Variants in TGFA observed in about 807,000 individuals in gnomAD.
TGFA encodes the protein protransforming growth factor alpha.
Under a neutral mutation model 21.7 loss-of-function variants are expected in TGFA, and 12 were observed. The observed-to-expected ratio is 0.55, with a 90% CI of 0.35 to 0.90. TGFA has a LOEUF of 0.90. TGFA is among the 40% of genes least tolerant of loss of function. TGFA has a pLI of 0.01. For synonymous variants in TGFA, 79 were observed against 88.1 expected (o/e 0.90, Z 0.58); for missense variants, 178 against 210.8 (o/e 0.84, Z 0.96).
intron 1 of TGFA, among the ~76,000 whole-genome samples, chr2:70,552,659 G>T (rs11466192): frequency 0.13 from 20,475 of 152,178 alleles, 1,624 homozygotes; most frequent in South Asian, 0.29. Flanking sequence ...TGCAGGCGGG[G>T]CCGCGAACCC....
chr2:70,475,443 A>G (rs945727620), intron 2 of TGFA, among the ~76,000 whole-genome samples: 1 of 152,160 alleles, frequency 6.6e-6, no homozygotes, highest in Non-Finnish European at 1.5e-5. Context: ...CAGAGCGGAA[A>G]CCAGAACTCA....
chr2:70,455,719 C>A (rs1217043212), intron 4 of TGFA, among the ~76,000 whole-genome samples: 1 of 152,184 alleles, frequency 6.6e-6, no homozygotes, highest in Non-Finnish European at 1.5e-5. Context: ...GGGTCTCTGA[C>A]CCTGCACAGC....
At chr2:70,529,194 T>C (rs1384326196) in intron 1 of TGFA, among the ~76,000 whole-genome samples, 1 of 152,222 alleles carries the variant, frequency 6.6e-6, no homozygotes, top group Non-Finnish European at 1.5e-5. Context: ...GCCTGACACA[T>C]AGACAAGCTA....
At chr2:70,504,473 C>T (rs1315761642) in intron 2 of TGFA, among the ~76,000 whole-genome samples, 2,559 of 77,120 alleles carry the variant, frequency 0.033, 84 homozygotes, top group African/African-American at 0.075. Context: ...TACACACATA[C>T]ATACATACAT....
chr2:70,514,417 A>G (rs1672201462), intron 2 of TGFA, among the ~76,000 whole-genome samples: 1 of 142,142 alleles, frequency 7.0e-6, no homozygotes, highest in Admixed American at 6.9e-5. Context: ...ATAAAAAAAA[A>G]TACCGATTTT....
chr2:70,513,169 T>C lies in TGFA; in HGVS notation c.94+1690A>G, dbSNP rs185695271. 2.0e-4 allele frequency among the ~76,000 whole-genome samples: 30 copies of C among 152,300 alleles called. No individual in the cohort carries two copies. The East Asian group carries it at 5.6e-3, about 28-fold the overall frequency. On this transcript the variant is annotated intron_variant, in intron 2 of 5. Coordinates refer to ENST00000295400, the MANE Select transcript of TGFA (RefSeq NM_003236.4). ...GAGTGGTAACCCCCAACTGGCCCAG[T>C]GTCCAGGTTCTCTCAAATGATACCC... is the stretch of plus-strand genomic sequence containing the variant.
intron 2 of TGFA, among the ~76,000 whole-genome samples, chr2:70,484,668 T>C (rs1288924537): frequency 1.1e-4 from 17 of 152,312 alleles, no homozygotes; most frequent in Admixed American, 6.5e-5. Flanking sequence ...ATAATGCTGA[T>C]GGAATTCATG....
intron 1 of TGFA, among the ~76,000 whole-genome samples, chr2:70,518,295 A>T (rs562306848): frequency 6.6e-6 from 1 of 152,334 alleles, no homozygotes; most frequent in South Asian, 2.1e-4. Context: ...TTCAAAAAGA[A>T]AAAAGAAAAG....
intron 3 of TGFA, among the ~76,000 whole-genome samples, chr2:70,460,324 T>G (rs1003009770): frequency 6.6e-6 from 1 of 152,078 alleles, no homozygotes; most frequent in Non-Finnish European, 1.5e-5. Context: ...ATAATGGAAA[T>G]GCTTCTCAGC....
At position 70,553,193 on chromosome 2, in the gene TGFA, T is replaced by C. The variant is rs1553507083; in HGVS notation, c.40+535A>G. On this transcript the variant is annotated intron_variant, in intron 1 of 5. Transcript: ENST00000295400. ...AAAATCCAAAACCTACCCCCAAAGC[T>C]CAAGAGCTCTGAAAAGAGATCGAGG... 3.9e-6 allele frequency: 6 copies of C among 1,535,948 alleles called. No individual in the cohort carries two copies. The South Asian group carries it at 7.1e-5, about 18-fold the overall frequency.
intron 1 of TGFA, among the ~76,000 whole-genome samples, chr2:70,534,762 T>G (rs1553504172): frequency 6.6e-6 from 1 of 152,178 alleles, no homozygotes; most frequent in Admixed American, 6.5e-5. Context: ...CAACCACCTA[T>G]GTGGGAATTA....
At chr2:70,456,236 A>G in intron 4 of TGFA, 103 bp downstream of exon 4, 1 of 1,402,488 alleles carries the variant, frequency 7.1e-7, no homozygotes. Context: ...GACATCCCAG[A>G]AATAAGCTGT....
chr2:70,542,257 T>C (rs1553505267), intron 1 of TGFA, among the ~76,000 whole-genome samples: 1 of 152,174 alleles, frequency 6.6e-6, no homozygotes, highest in Non-Finnish European at 1.5e-5. Flanking sequence ...CTTCAGCCAC[T>C]TTTGTGTGAC....
rs117108359 is a variant in TGFA, at chr2:70,500,083, C to T, written c.94+14776G>A. Among the ~76,000 whole-genome samples the T allele has an allele frequency of 4.8e-3, 737 of 152,308 alleles. 4 individuals carry two copies. Among genetic ancestry groups the T allele is most frequent in the East Asian group, 0.039 (200 of 5,186 alleles). On this transcript the variant is annotated intron_variant, in intron 2 of 5. Transcript: ENST00000295400. Reference sequence around the variant, plus strand: ...ATTCAGTTTTAATGTACTAAGTCTTCACTATATGGTATATGGTATCTATTT... The same window carrying T: ...ATTCAGTTTTAATGTACTAAGTCTTTACTATATGGTATATGGTATCTATTT...
intron 1 of TGFA, among the ~76,000 whole-genome samples, chr2:70,543,914 G>A (rs1339902593): frequency 6.6e-6 from 1 of 152,110 alleles, no homozygotes; most frequent in Admixed American, 6.5e-5. Flanking sequence ...AGCAGATCTA[G>A]CAGTTTATAC....
At chr2:70,548,495 C>T (rs981821754) in intron 1 of TGFA, among the ~76,000 whole-genome samples, 1 of 152,162 alleles carries the variant, frequency 6.6e-6, no homozygotes, top group Non-Finnish European at 1.5e-5. Flanking sequence ...CTTGAGGAAA[C>T]CCTAAGCAGC....
intron 2 of TGFA, among the ~76,000 whole-genome samples, chr2:70,469,727 A>G (rs142582279): frequency 0.01 from 1,561 of 152,318 alleles, 16 homozygotes; most frequent in South Asian, 0.028. Flanking sequence ...GCAAAAGTGG[A>G]AAGGCCAGGG....
intron 1 of TGFA, among the ~76,000 whole-genome samples, chr2:70,552,649 T>G (rs1223186684): frequency 6.6e-6 from 1 of 152,162 alleles, no homozygotes; most frequent in Non-Finnish European, 1.5e-5. Context: ...AGGGCAGGCT[T>G]GCAGGCGGGG....
chr2:70,486,320 T>C (rs1553496638), intron 2 of TGFA, among the ~76,000 whole-genome samples: 3 of 152,206 alleles, frequency 2.0e-5, no homozygotes, highest in African/African-American at 7.2e-5. Flanking sequence ...CATCCGTGTC[T>C]GAGTACCTCT....
Sources: gnomAD v4.1 joint callset for allele counts (sites outside exome capture counted in the v4.1 genomes callset) on GRCh38, gnomAD v4.1.1 for gene constraint, MANE v1.5 for transcripts, NCBI Gene and HGNC (gene_info 2026-07-23, HGNC 2026-07-21) for gene names.